The following ZFAND3 variants were observed in gnomAD, a reference collection of about 807,000 sequenced individuals.
ZFAND3 encodes the protein AN1-type zinc finger protein 3.
ZFAND3 carries 10 observed loss-of-function variants against 29.6 expected under a neutral mutation model. The observed-to-expected ratio is 0.34, with a 90% CI of 0.21 to 0.57. The LOEUF (loss-of-function observed/expected upper bound fraction) is 0.57, where lower values mean the gene tolerates loss of function less well. Ranked by LOEUF, ZFAND3 falls within the 20% of genes least tolerant of loss-of-function variation. ZFAND3 has a pLI of 0.86. For synonymous variants in ZFAND3, 128 were observed against 112.6 expected (o/e 1.14, Z -0.87); for missense variants, 230 against 304.5 (o/e 0.76, Z 1.82).
In ZFAND3 at chr6:37,986,670, G is replaced by A. The variant is rs183766456; in HGVS notation, c.112+56671G>A. 2.2e-4 allele frequency among the ~76,000 whole-genome samples: 34 copies of A among 152,038 alleles called. No homozygotes were observed. In the East Asian group the frequency reaches 4.3e-3, roughly 19 times the overall value. ...TTTATGTATTTATTTTCGCATTTTC[G>A]CAGTTCATTTAGTCTTCTTTCTCTA... On this transcript the variant is annotated intron_variant, in intron 2 of 5. Coordinates refer to ENST00000287218, the MANE Select transcript of ZFAND3 (RefSeq NM_021943.3).
chr6:38,140,809 A>G (rs1029052486), intron 5 of ZFAND3, among the ~76,000 whole-genome samples: 2 of 152,236 alleles, frequency 1.3e-5, no homozygotes, highest in African/African-American at 4.8e-5. Context: ...TTAGTGGGCT[A>G]TCCATTCAGT....
At chr6:37,976,326 A>G (rs1230063426) in intron 2 of ZFAND3, among the ~76,000 whole-genome samples, 1 of 152,150 alleles carries the variant, frequency 6.6e-6, no homozygotes, top group Non-Finnish European at 1.5e-5. Flanking sequence ...TCATGCCTGT[A>G]TTCCCAGCAC....
At chr6:37,985,531 C>CCCCCA (rs755627119) in intron 2 of ZFAND3, among the ~76,000 whole-genome samples, 4 of 109,028 alleles carry the variant, frequency 3.7e-5, no homozygotes, top group Non-Finnish European at 7.6e-5. Context: ...ACACACACCC[C>CCCCCA]CACACACGCC....
chr6:38,132,732 A>G (rs1765765881), intron 5 of ZFAND3, among the ~76,000 whole-genome samples: 1 of 152,218 alleles, frequency 6.6e-6, no homozygotes, highest in Non-Finnish European at 1.5e-5. Flanking sequence ...GTACATCTGC[A>G]TGGAGGGAGT....
intron 1 of ZFAND3, among the ~76,000 whole-genome samples, chr6:37,862,723 CA>C (rs539325207): frequency 2.8e-5 from 4 of 143,706 alleles, no homozygotes; most frequent in East Asian, 2.0e-4. Context: ...CAAAACAAAA[CA>C]AAAAAAAAAC....
At chr6:37,825,733 G>A (rs1338148395) in intron 1 of ZFAND3, among the ~76,000 whole-genome samples, 1 of 151,926 alleles carries the variant, frequency 6.6e-6, no homozygotes, top group African/African-American at 2.4e-5. Context: ...AATCCTTAAT[G>A]GTATCAAAAT....
chr6:37,934,848 A>G (rs1020780420), intron 2 of ZFAND3, among the ~76,000 whole-genome samples: 3 of 149,080 alleles, frequency 2.0e-5, no homozygotes, highest in African/African-American at 7.3e-5. Context: ...CAAAAAAAAA[A>G]AAAAAAAAAA....
chr6:38,144,184 AAT>A (rs1554183921), intron 5 of ZFAND3, among the ~76,000 whole-genome samples: 1,802 of 42,482 alleles, frequency 0.042, 56 homozygotes, highest in Middle Eastern at 0.09. Flanking sequence ...ATATATATAT[AAT>A]ATATATATAT....
chr6:38,064,666 C>CTTT (rs35827782), intron 3 of ZFAND3, among the ~76,000 whole-genome samples: 2 of 115,934 alleles, frequency 1.7e-5, no homozygotes, highest in Non-Finnish European at 3.6e-5. Flanking sequence ...CTGCTATGGG[C>CTTT]TTTTTTTTTT....
rs181319958 is a variant in ZFAND3 at position 37,861,524 on chromosome 6, C to T, written c.71+41508C>T. 1.6e-3 allele frequency among the ~76,000 whole-genome samples: 244 copies of T among 152,264 alleles called. 2 individuals are homozygous for T. Among genetic ancestry groups the T allele is most frequent in the African/African-American group, 5.7e-3 (237 of 41,556 alleles). The stretch of plus-strand genomic sequence containing the variant: ...AAAAAGAACTGTTTCAGGGGCTTTA[C>T]GTACTTACTTGATTTGATCCCAGCA... On this transcript the variant is annotated intron_variant, in intron 1 of 5. Transcript: ENST00000287218.
intron 4 of ZFAND3, among the ~76,000 whole-genome samples, chr6:38,100,083 A>G (rs1765062951): frequency 6.6e-6 from 1 of 151,230 alleles, no homozygotes; most frequent in African/African-American, 2.4e-5. Context: ...TTTAAGACGG[A>G]GTCTCACTCT....
chr6:37,959,214 G>T (rs2127423926), intron 2 of ZFAND3, among the ~76,000 whole-genome samples: 1 of 152,342 alleles, frequency 6.6e-6, no homozygotes, highest in South Asian at 2.1e-4. Context: ...CAACACAGTG[G>T]TTTGTAAATC....
chr6:38,051,090 C>T (rs141929028), intron 2 of ZFAND3, among the ~76,000 whole-genome samples: 1 of 152,166 alleles, frequency 6.6e-6, no homozygotes, highest in East Asian at 1.9e-4. Context: ...GAAGCAAGAA[C>T]GAATAGGACC....
chr6:37,890,151 C>T (rs1348591822), intron 1 of ZFAND3, among the ~76,000 whole-genome samples: 1 of 152,216 alleles, frequency 6.6e-6, no homozygotes, highest in Non-Finnish European at 1.5e-5. Context: ...GCTGACAACA[C>T]ATACAAGCAT....
chr6:37,885,307 C>T (rs1368946362), intron 1 of ZFAND3, among the ~76,000 whole-genome samples: 2 of 152,056 alleles, frequency 1.3e-5, no homozygotes, highest in African/African-American at 2.4e-5. Context: ...ACTTGTGTGA[C>T]CTTGGTTTCC....
intron 4 of ZFAND3, among the ~76,000 whole-genome samples, chr6:38,085,968 G>A (rs1764748038): frequency 6.6e-6 from 1 of 152,184 alleles, no homozygotes. Context: ...GTCACCATTT[G>A]TATTTCAAGC....
At chr6:38,103,410 CACGTATATACACACACATATATAT>C (rs1211428662) in intron 4 of ZFAND3, among the ~76,000 whole-genome samples, 1 of 148,552 alleles carries the variant, frequency 6.7e-6, no homozygotes, top group African/African-American at 2.5e-5. Context: ...TATACACACA[CACGTATATACACACACATATATAT>C]ACACGTGTAT....
chr6:37,984,944 C>T (rs1762641106), intron 2 of ZFAND3, among the ~76,000 whole-genome samples: 1 of 152,144 alleles, frequency 6.6e-6, no homozygotes, highest in Non-Finnish European at 1.5e-5. Flanking sequence ...CTTTTTTCAG[C>T]AGTCTCAAAA....
At chr6:38,142,221 G>T (rs1765971853) in intron 5 of ZFAND3, 1 of 471,240 alleles carries the variant, frequency 2.1e-6, no homozygotes, top group Admixed American at 2.3e-5. Context: ...TGAAAGGTCA[G>T]TTGGGAAAGA....
Sources: gnomAD v4.1 joint callset for allele counts (sites outside exome capture counted in the v4.1 genomes callset) on GRCh38, gnomAD v4.1.1 for gene constraint, MANE v1.5 for transcripts, NCBI Gene and HGNC (gene_info 2026-07-23, HGNC 2026-07-21) for gene names.